CORO7: variants seen among roughly 807,000 people sequenced by gnomAD.
CORO7 encodes coronin-7.
In CORO7, 107 loss-of-function variants were observed where a neutral mutation model predicts 126.6. The observed-to-expected ratio is 0.85, with a 90% CI of 0.72 to 0.99. The LOEUF (loss-of-function observed/expected upper bound fraction) is 0.99. Ranked by LOEUF, CORO7 falls within the 50% of genes least tolerant of loss-of-function variation. CORO7 has a pLI of 0.00. For synonymous variants in CORO7, 603 were observed against 536.8 expected, an observed-to-expected ratio of 1.12 and a Z score of -1.70; for missense variants, 1,314 against 1,255.8, an observed-to-expected ratio of 1.05 and a Z score of -0.70.
intron 16 of CORO7, chr16:4,361,742 C>T (rs1297180069): frequency 1.2e-5 from 10 of 808,556 alleles, no homozygotes; most frequent in Non-Finnish European, 2.1e-5. Flanking sequence ...CCAGCTCCAC[C>T]ACTTACACAG....
At chr16:4,381,920 G>C in intron 9 of CORO7, 3 of 1,606,616 alleles carry the variant, frequency 1.9e-6, no homozygotes, top group African/African-American at 1.3e-5. Context: ...GCCGACTTTG[G>C]CTGCCCAGCC....
chr16:4,374,138 T>C (rs963838914), intron 9 of CORO7, among the ~76,000 whole-genome samples: 1 of 119,978 alleles, frequency 8.3e-6, no homozygotes, highest in Admixed American at 1.1e-4. Context: ...GGCGTGTGTC[T>C]GGCGTGGGCG....
At chr16:4,356,975 G>A in intron 26 of CORO7, 193 bp downstream of exon 26, 4 of 756,330 alleles carry the variant, frequency 5.3e-6, no homozygotes, top group Non-Finnish European at 8.5e-6. Context: ...GGCTCCCACT[G>A]CCCTCCCCCA....
chr16:4,388,136 G>A lies in CORO7; in HGVS notation c.703-68C>T, dbSNP rs1289923300. 9 of 1,551,130 alleles carry A rather than the reference G, an allele frequency of 5.8e-6. No homozygotes were observed. In the East Asian group the frequency reaches 7.3e-5, roughly 13 times the overall value. On this transcript the variant is annotated intron_variant, in intron 8 of 27. Transcript: ENST00000251166. Reference sequence around the variant, plus strand: ...CAGCCCCACCCGGGGGGCTCCCAGGGAAACCAGCGCCTGAGGGTGCAGCCT... The same window carrying A: ...CAGCCCCACCCGGGGGGCTCCCAGGAAAACCAGCGCCTGAGGGTGCAGCCT...
chr16:4,396,252 G>C (rs971885192), intron 6 of CORO7, among the ~76,000 whole-genome samples: 1 of 152,004 alleles, frequency 6.6e-6, no homozygotes, highest in Admixed American at 6.6e-5. Flanking sequence ...GCTAATTTTT[G>C]TATTTTTGGT....
intron 9 of CORO7, chr16:4,382,842 C>A: frequency 3.8e-6 from 6 of 1,594,238 alleles, no homozygotes; most frequent in Non-Finnish European, 5.1e-6. Context: ...AGGTGCCACT[C>A]ATGGGCTTCC....
At position 4,381,286 on chromosome 16, in the gene CORO7, C is replaced by T. The variant is rs199795973; in HGVS notation, c.785+6700G>A. ...CCTCTACCTGGGCAAGAACCGCATC[C>T]GCCACATCCAGCCTGGTGCCTTCGA... On this transcript the variant is annotated intron_variant, in intron 9 of 27. Coordinates refer to ENST00000251166, the MANE Select transcript of CORO7 (RefSeq NM_024535.5). 4.6e-5 allele frequency: 74 copies of T among 1,612,404 alleles called. No homozygotes were observed. The East Asian group carries it at 6.7e-4, about 15-fold the overall frequency.
At chr16:4,405,780 ACTCAACTACCTTCCGAGGCTTCCCGCTCC>A (rs762516540) in intron 5 of CORO7, among the ~76,000 whole-genome samples, 3,568 of 151,934 alleles carry the variant, frequency 0.023, 67 homozygotes, top group Non-Finnish European at 0.033. Context: ...GCCGTACATC[ACTCAACTACCTTCCGAGGCTTCCCGCTCC>A]TGGCCTGGCT....
intron 9 of CORO7, among the ~76,000 whole-genome samples, chr16:4,374,539 C>T (rs935809563): frequency 2.0e-4 from 30 of 152,114 alleles, no homozygotes; most frequent in Admixed American, 1.9e-3. Flanking sequence ...AGGAGGGAGC[C>T]GGCCTACACC....
chr16:4,361,908 G>T lies in CORO7; in HGVS notation c.1578+77C>A, dbSNP rs769548991. 3.2e-6 allele frequency: 5 copies of T among 1,540,824 alleles called. No individual in the cohort carries two copies. In the South Asian group the frequency reaches 4.8e-5, roughly 15 times the overall value. On this transcript the variant is annotated intron_variant, in intron 16 of 27. Coordinates refer to ENST00000251166, the MANE Select transcript of CORO7 (RefSeq NM_024535.5). ...ACAAGGTTTGTGCTCCCTGTGTTGT[G>T]TGGGTAGCTAAGGCCCTCCGCGTCT...
intron 6 of CORO7, among the ~76,000 whole-genome samples, chr16:4,402,259 GTTGTTGTTT>G (rs2055838322): frequency 1.4e-5 from 2 of 138,822 alleles, no homozygotes; most frequent in Non-Finnish European, 3.1e-5. Flanking sequence ...TGTTGTTGTT[GTTGTTGTTT>G]TTTAAGAGAG....
chr16:4,357,069 G>T lies in CORO7; in HGVS notation c.2685+99C>A. The T allele has an allele frequency of 2.1e-6, 3 of 1,460,252 alleles. No homozygotes were observed. The Admixed American group carries it at 5.6e-5, about 27-fold the overall frequency. The allele number at this position is 1,460,252 out of a possible 1,614,324, so 90.5% of individuals were successfully genotyped here. On this transcript the variant is annotated intron_variant, in intron 26 of 27. Transcript: ENST00000251166. ...TGTGAAGGGGACGTGACATGTGGCT[G>T]CTGTCCCAGTCTGGGTTGGGGATGG...
intron 9 of CORO7, among the ~76,000 whole-genome samples, chr16:4,376,497 A>G (rs758454025): frequency 1.6e-4 from 24 of 152,098 alleles, no homozygotes; most frequent in South Asian, 1.0e-3. Context: ...CAGACTGTCT[A>G]TCTGTCTGTC....
In CORO7 at chr16:4,364,415, T is replaced by A; in HGVS notation, c.1138-2A>T. ...GGGGTTGAGGCTGACCTTCTGCACC[T>A]GCATGGAGGCCGGCAGTGGGGAGAT... is the stretch of plus-strand genomic sequence containing the variant. On this transcript the variant is annotated splice_acceptor_variant, in intron 13 of 27. Transcript: ENST00000251166. LOFTEE classifies it high-confidence loss of function. 6.7e-7 allele frequency: 1 copy of A among 1,501,790 alleles called. No individual in the cohort carries two copies. The highest frequency in any genetic ancestry group is 8.9e-7 in the Non-Finnish European group (1 of 1,127,628). The allele number at this position is 1,501,790 out of a possible 1,614,324, so 93.0% of individuals were successfully genotyped here. A position where few individuals can be genotyped will look rare whatever the true frequency, so the allele number is the denominator to read the frequency against.
In CORO7 at chr16:4,359,536, A is replaced by C; in HGVS notation, c.2194T>G (p.Ser732Ala). ...GGGTCGTAGCTGGGCAGCAGGGTTG[A>C]GGGAGCCACGTCCAGGCCCAACACT... ...LAVLGLDVAP[S>A]TLLPSYDPDT... Residue 732 changes from serine (S) to alanine (A), a missense_variant, in exon 22 of 28, where the codon TCA becomes GCA. By Grantham distance (99) the Ser-to-Ala change is moderately conservative. Transcript: ENST00000251166. 1 of 1,613,288 alleles carries C rather than the reference A, an allele frequency of 6.2e-7. No homozygotes were observed. The highest frequency in any genetic ancestry group is 8.5e-7 in the Non-Finnish European group (1 of 1,179,908).
intron 26 of CORO7, chr16:4,355,690 C>T (rs1345204780): frequency 1.1e-5 from 3 of 278,776 alleles, no homozygotes; most frequent in Non-Finnish European, 2.1e-5. Context: ...AGGATGGTCT[C>T]GATCTCCTGA....
chr16:4,381,973 C>A, intron 9 of CORO7: 1 of 1,607,588 alleles, frequency 6.2e-7, no homozygotes. Flanking sequence ...GCCCGTGGTG[C>A]GGGAGCCCAC....
intron 21 of CORO7, among the ~76,000 whole-genome samples, chr16:4,359,830 A>T (rs2054101506): frequency 6.7e-6 from 1 of 148,418 alleles, no homozygotes; most frequent in African/African-American, 2.5e-5. Flanking sequence ...CCATCCATCT[A>T]CCCCTGACTG....
intron 1 of CORO7, chr16:4,414,190 CAAAAAAAA>C (rs61676929): frequency 8.7e-6 from 1 of 114,866 alleles, no homozygotes; most frequent in Non-Finnish European, 1.8e-5. Context: ...GACTCCATCT[CAAAAAAAA>C]AAAAAAAAAG....
Sources: gnomAD v4.1 joint callset for allele counts (sites outside exome capture counted in the v4.1 genomes callset) on GRCh38, gnomAD v4.1.1 for gene constraint, MANE v1.5 for transcripts, NCBI Gene and HGNC (gene_info 2026-07-23, HGNC 2026-07-21) for gene names.